The following TRIM54 variants were observed in gnomAD, a reference collection of about 807,000 sequenced individuals.
The protein encoded by TRIM54 is tripartite motif containing 54.
A neutral mutation model predicts 42.0 loss-of-function variants in TRIM54; 40 were observed. That is an observed-to-expected ratio of 0.95 (90% CI 0.74 to 1.24). TRIM54 has a LOEUF of 1.24. Ranked by LOEUF, TRIM54 falls within the 50% of genes most tolerant of loss-of-function variation. The pLI, the probability that TRIM54 is intolerant of heterozygous loss-of-function variation, is 0.00. For synonymous variants in TRIM54, 199 were observed against 194.9 expected (o/e 1.02, Z -0.17); for missense variants, 485 against 480.3 (o/e 1.01, Z -0.09).
chr2:27,299,248 G>T lies in TRIM54; in HGVS notation c.345G>T (p.Pro115=). 1 of 1,613,736 alleles carries T rather than the reference G, an allele frequency of 6.2e-7. No homozygotes were observed. Among genetic ancestry groups the T allele is most frequent in the Non-Finnish European group, 8.5e-7 (1 of 1,180,010 alleles). ...IDIYKQESSR[P]LHSKAEQHLM... ...CCCCCTGCCCACTCCTCTCTAGGCCGCTGCACTCCAAGGCTGAGCAGCACC... is the reference window on the plus strand; with the variant it reads ...CCCCCTGCCCACTCCTCTCTAGGCCTCTGCACTCCAAGGCTGAGCAGCACC... Residue 115 remains proline (P), a synonymous_variant, in exon 3 of 9, where the codon CCG becomes CCT. Transcript: ENST00000380075.
intron 1 of TRIM54, among the ~76,000 whole-genome samples, chr2:27,289,426 C>T (rs1678661322): frequency 6.6e-6 from 1 of 152,114 alleles, no homozygotes. Context: ...AAGCAATTCT[C>T]CTGCCTCAGC....
chr2:27,294,527 A>C, intron 1 of TRIM54, among the ~76,000 whole-genome samples: 1 of 152,136 alleles, frequency 6.6e-6, no homozygotes. Context: ...CTATTAGCTC[A>C]TGACCGTGTA....
chr2:27,299,203 T>C, intron 2 of TRIM54, 42 bp from the exon 3 acceptor site: 1 of 1,608,252 alleles, frequency 6.2e-7, no homozygotes, highest in Non-Finnish European at 8.5e-7. Flanking sequence ...CCTAGGACCC[T>C]TCATGCTTAA....
chr2:27,286,855 G>GT, intron 1 of TRIM54, among the ~76,000 whole-genome samples: 1 of 152,178 alleles, frequency 6.6e-6, no homozygotes, highest in Non-Finnish European at 1.5e-5. Flanking sequence ...AGGACCAGGT[G>GT]TCATCAGGTA....
At chr2:27,282,965 A>G (rs1678428157) in intron 1 of TRIM54, 66 bp downstream of exon 1, 2 of 1,504,210 alleles carry the variant, frequency 1.3e-6, no homozygotes, top group African/African-American at 1.4e-5. Context: ...TGATCAGGTC[A>G]GAGCTGAGAC....
intron 3 of TRIM54, among the ~76,000 whole-genome samples, chr2:27,303,295 C>T (rs930983988): frequency 2.0e-5 from 3 of 152,172 alleles, no homozygotes; most frequent in Non-Finnish European, 4.4e-5. Flanking sequence ...GTGGCTCACG[C>T]CTGTAATCTC....
chr2:27,295,143 GCA>G (rs1289254743), intron 1 of TRIM54, among the ~76,000 whole-genome samples: 3 of 151,412 alleles, frequency 2.0e-5, no homozygotes, highest in Admixed American at 2.0e-4. Flanking sequence ...TCGGCTCATT[GCA>G]ACCTCGGCCT....
chr2:27,283,784 G>GCGCGCGCA (rs367621533), intron 1 of TRIM54, among the ~76,000 whole-genome samples: 2 of 132,168 alleles, frequency 1.5e-5, no homozygotes, highest in African/African-American at 6.1e-5. Flanking sequence ...ACACACGCGC[G>GCGCGCGCA]CACACACACA....
chr2:27,305,779 C>G lies in TRIM54; in HGVS notation c.805C>G (p.Gln269Glu), dbSNP rs763986917. 16 of 1,610,282 alleles carry G rather than the reference C, an allele frequency of 9.9e-6. No individual in the cohort carries two copies. The South Asian group carries it at 1.8e-4, about 18-fold the overall frequency. ...CTCTAAGCTGGTGGAGTCTGCCATC[C>G]AGTCCATGGAAGAGCCACAAATGGC... ...ASSKLVESAI[Q>E]SMEEPQMALY... The change falls in exon 5 of 9, where the codon CAG (glutamine) becomes GAG (glutamate). Residue 269 changes from glutamine to glutamate, a missense_variant. Coordinates refer to ENST00000380075, the MANE Select transcript of TRIM54 (RefSeq NM_187841.3).
rs1679248225 is a variant in TRIM54, at chr2:27,307,135, T to G, written c.*250T>G. On this transcript the variant is annotated 3_prime_UTR_variant, in exon 9 of 9. Transcript: ENST00000380075. This position sits in a 1 kb window ranked among gnomAD's most constrained non-coding sequence, Gnocchi z 6.9. Reference sequence around the variant, plus strand: ...GGGCGGAAGCCAAATGAACCCCTATTGGGCACCTCTGTGATGCCAGGAGCG... The same window carrying G: ...GGGCGGAAGCCAAATGAACCCCTATGGGGCACCTCTGTGATGCCAGGAGCG... 1 of 285,552 alleles carries G rather than the reference T, an allele frequency of 3.5e-6. No homozygotes were observed. Among genetic ancestry groups the G allele is most frequent in the Non-Finnish European group, 6.6e-6 (1 of 150,668 alleles). The allele number at this position is 285,552 out of a possible 1,614,324, so 17.7% of individuals were successfully genotyped here. A position where few individuals can be genotyped will look rare whatever the true frequency, so the allele number is the denominator to read the frequency against.
chr2:27,305,753 C>A lies in TRIM54; in HGVS notation c.779C>A (p.Ser260Tyr). ...CAGTATGGCGACCACCTGGAGGCCT[C>A]CTCTAAGCTGGTGGAGTCTGCCATC... ...IRQYGDHLEA[S>Y]SKLVESAIQS... Residue 260 changes from serine (S) to tyrosine (Y), a missense_variant, in exon 5 of 9, where the codon TCC (serine) becomes TAC (tyrosine). Coordinates refer to ENST00000380075, the MANE Select transcript of TRIM54 (RefSeq NM_187841.3). The A allele has an allele frequency of 6.2e-7, 1 of 1,611,782 alleles. No individual in the cohort carries two copies. The highest frequency in any genetic ancestry group is 8.5e-7 in the Non-Finnish European group (1 of 1,179,024).
rs1275528357 is a variant in TRIM54 at position 27,298,668 on chromosome 2, C to T, written c.270C>T (p.His90=). Reference sequence around the variant, plus strand: ...GGCATGAGGTTGTCCTGGACAGACACGGTGTCTACGGCCTGCAGCGAAACC... The same window carrying T: ...GGCATGAGGTTGTCCTGGACAGACATGGTGTCTACGGCCTGCAGCGAAACC... ...SCRHEVVLDR[H]GVYGLQRNLL... The change falls in exon 2 of 9, where the codon CAC becomes CAT. Residue 90 remains histidine, a synonymous_variant. Transcript: ENST00000380075. 2 of 1,614,186 alleles carry T rather than the reference C, an allele frequency of 1.2e-6. No individual in the cohort carries two copies. The highest frequency in any genetic ancestry group is 1.1e-5 in the South Asian group (1 of 91,078).
chr2:27,306,463 C>G lies in TRIM54; in HGVS notation c.999C>G (p.Ser333=). Residue 333 remains serine (S), a synonymous_variant, in exon 8 of 9, where the codon TCC becomes TCG. Transcript: ENST00000380075. The surrounding 1 kb of genome is among the most constrained non-coding windows in gnomAD (Gnocchi z 6.1). The part of the protein sequence containing the change: ...LRTIDFQPGA[S]GEEEEVAPDG... ...GGCCTTCCTTGGGCTCAGGCGCTTC[C>G]GGGGAGGAAGAGGAGGTGGCCCCAG... is the stretch of plus-strand genomic sequence containing the variant. 1 of 1,596,490 alleles carries G rather than the reference C, an allele frequency of 6.3e-7. No homozygotes were observed. Among genetic ancestry groups the G allele is most frequent in the Non-Finnish European group, 8.5e-7 (1 of 1,171,352 alleles).
At chr2:27,304,275 T>TATAG (rs1354316401) in intron 3 of TRIM54, among the ~76,000 whole-genome samples, 3 of 139,936 alleles carry the variant, frequency 2.1e-5, no homozygotes, top group Non-Finnish European at 4.5e-5. Context: ...TATATATATA[T>TATAG]ATAGATAGAT....
At chr2:27,293,154 C>G (rs2148193690) in intron 1 of TRIM54, among the ~76,000 whole-genome samples, 1 of 152,076 alleles carries the variant, frequency 6.6e-6, no homozygotes, top group East Asian at 1.9e-4. Context: ...TGGTTTGCAT[C>G]TTTTGTTGGA....
intron 3 of TRIM54, among the ~76,000 whole-genome samples, chr2:27,300,007 C>G (rs1678984998): frequency 6.6e-6 from 1 of 151,886 alleles, no homozygotes; most frequent in African/African-American, 2.4e-5. Context: ...GTGGGGATCT[C>G]TGTCGCGCAG....
chr2:27,295,703 T>G (rs934611682), intron 1 of TRIM54, among the ~76,000 whole-genome samples: 3 of 152,194 alleles, frequency 2.0e-5, no homozygotes, highest in Non-Finnish European at 2.9e-5. Flanking sequence ...GGAGAGCGGC[T>G]GCCCAAGAGT....
intron 1 of TRIM54, among the ~76,000 whole-genome samples, chr2:27,293,445 C>A (rs1293170623): frequency 6.6e-6 from 1 of 152,126 alleles, no homozygotes; most frequent in Non-Finnish European, 1.5e-5. Context: ...GATTTATCTA[C>A]CATAGAGGCC....
chr2:27,300,563 T>C (rs1466301459), intron 3 of TRIM54, among the ~76,000 whole-genome samples: 1 of 150,500 alleles, frequency 6.6e-6, no homozygotes, highest in African/African-American at 2.4e-5. Flanking sequence ...CTAATAATAA[T>C]ATTTATTAGT....
Sources: allele counts gnomAD v4.1 joint callset (sites outside exome capture counted in the v4.1 genomes callset), GRCh38; gene constraint gnomAD v4.1.1; non-coding constraint Gnocchi (gnomAD v3.1); transcripts MANE v1.5; gene names NCBI Gene and HGNC (gene_info 2026-07-23, HGNC 2026-07-21).